The following COMMD10 variants were observed in gnomAD, a reference collection of about 807,000 sequenced individuals.
The protein encoded by COMMD10 is COMM domain-containing protein 10.
Under a neutral mutation model 28.9 loss-of-function variants are expected in COMMD10, and 33 were observed. That is an observed-to-expected ratio of 1.14 (90% confidence interval 0.87 to 1.53). The LOEUF (loss-of-function observed/expected upper bound fraction) is 1.53, where lower values mean the gene tolerates loss of function less well. Among genes scored for constraint, COMMD10 ranks in the 40% most tolerant of loss-of-function variants. The pLI is 0.00. For missense variants in COMMD10, 310 were observed against 233.4 expected, an observed-to-expected ratio of 1.33 and a Z score of -2.14; for synonymous variants, 110 against 81.7, an observed-to-expected ratio of 1.35 and a Z score of -1.87.
At chr5:116,162,035 G>A (rs796648555) in intron 5 of COMMD10, among the ~76,000 whole-genome samples, 11 of 151,860 alleles carry the variant, frequency 7.2e-5, no homozygotes, top group African/African-American at 9.7e-5. Flanking sequence ...GGTTATTTTC[G>A]CCACTTTTTG....
chr5:116,117,883 A>G (rs1044948558), intron 4 of COMMD10, among the ~76,000 whole-genome samples: 1 of 152,200 alleles, frequency 6.6e-6, no homozygotes, highest in African/African-American at 2.4e-5. Context: ...CCCAACCATT[A>G]CTAGACTAAG....
intron 4 of COMMD10, among the ~76,000 whole-genome samples, chr5:116,102,223 AT>A (rs1026157617): frequency 6.6e-6 from 1 of 152,020 alleles, no homozygotes; most frequent in African/African-American, 2.4e-5. Flanking sequence ...TCATCTTGAG[AT>A]TTTTTTTATA....
At chr5:116,233,912 CAA>C (rs1161783520) in intron 5 of COMMD10, among the ~76,000 whole-genome samples, 4 of 152,058 alleles carry the variant, frequency 2.6e-5, no homozygotes, top group Non-Finnish European at 5.9e-5. Flanking sequence ...AATCAAACCT[CAA>C]AATGTTGAGA....
At chr5:116,287,422 C>T (rs534136292) in intron 5 of COMMD10, among the ~76,000 whole-genome samples, 1 of 151,682 alleles carries the variant, frequency 6.6e-6, no homozygotes, top group South Asian at 2.1e-4. Context: ...ACCATTTACA[C>T]GGGATATCTT....
intron 5 of COMMD10, among the ~76,000 whole-genome samples, chr5:116,233,077 G>A (rs935616981): frequency 1.3e-5 from 2 of 152,072 alleles, no homozygotes; most frequent in African/African-American, 4.8e-5. Context: ...TTACGATTGG[G>A]CCAGGCACTA....
intron 4 of COMMD10, among the ~76,000 whole-genome samples, chr5:116,113,190 G>C (rs1308367131): frequency 6.6e-6 from 1 of 151,968 alleles, no homozygotes; most frequent in African/African-American, 2.4e-5. Flanking sequence ...TCTGCTGTTA[G>C]TTTGATGGAC....
At chr5:116,241,583 C>CTTATGTATTTATTTATTTATTTATTTAT (rs150574868) in intron 5 of COMMD10, among the ~76,000 whole-genome samples, 1 of 140,448 alleles carries the variant, frequency 7.1e-6, no homozygotes, top group African/African-American at 2.6e-5. Context: ...ACTCTGCTTT[C>CTTATGTATTTATTTATTTATTTATTTAT]TTATTTATTT....
intron 5 of COMMD10, among the ~76,000 whole-genome samples, chr5:116,246,730 C>G (rs897044063): frequency 2.6e-5 from 4 of 152,064 alleles, no homozygotes; most frequent in Non-Finnish European, 5.9e-5. Context: ...CAAAAGCAAG[C>G]AATGGGGAAA....
chr5:116,160,967 T>A (rs1222069691), intron 5 of COMMD10, among the ~76,000 whole-genome samples: 1 of 152,126 alleles, frequency 6.6e-6, no homozygotes, highest in African/African-American at 2.4e-5. Context: ...ATTTCAGGTA[T>A]TTTTTTCATG....
chr5:116,134,780 T>C (rs1468904953), intron 5 of COMMD10, among the ~76,000 whole-genome samples: 1 of 151,962 alleles, frequency 6.6e-6, no homozygotes, highest in Non-Finnish European at 1.5e-5. Context: ...TGCCACCTTG[T>C]CCGGCTAATT....
At chr5:116,256,244 C>G (rs4392665) in intron 5 of COMMD10, among the ~76,000 whole-genome samples, 7,200 of 151,660 alleles carry the variant, frequency 0.047, 292 homozygotes, top group African/African-American at 0.09. Context: ...AATCACCGTT[C>G]GGACAGATCT....
intron 5 of COMMD10, among the ~76,000 whole-genome samples, chr5:116,161,047 G>C (rs1480464561): frequency 6.6e-6 from 1 of 151,890 alleles, no homozygotes; most frequent in Non-Finnish European, 1.5e-5. Context: ...CTCATTTCTT[G>C]GGAAATAAAA....
At chr5:116,127,093 A>G (rs989497935) in intron 4 of COMMD10, among the ~76,000 whole-genome samples, 2 of 152,112 alleles carry the variant, frequency 1.3e-5, no homozygotes, top group Admixed American at 6.6e-5. Flanking sequence ...AAATCAAACA[A>G]CCCCATCAAA....
At chr5:116,262,381 T>A (rs915745027) in intron 5 of COMMD10, among the ~76,000 whole-genome samples, 2 of 151,760 alleles carry the variant, frequency 1.3e-5, no homozygotes, top group African/African-American at 4.9e-5. Context: ...GAGCAGTCAT[T>A]AATGGCTCAA....
intron 2 of COMMD10, among the ~76,000 whole-genome samples, chr5:116,090,198 G>C (rs1005502035): frequency 2.0e-5 from 3 of 152,198 alleles, no homozygotes; most frequent in Non-Finnish European, 4.4e-5. Context: ...ATGGATCTGG[G>C]AGTCCTCTTT....
chr5:116,166,555 C>T (rs72804855), intron 5 of COMMD10, among the ~76,000 whole-genome samples: 3,971 of 152,298 alleles, frequency 0.026, 97 homozygotes, highest in East Asian at 0.093. Flanking sequence ...GGGGTGACAC[C>T]TCCCAGCAGG....
chr5:116,286,035 C>G (rs1751210538), intron 5 of COMMD10, among the ~76,000 whole-genome samples: 2 of 151,770 alleles, frequency 1.3e-5, no homozygotes, highest in South Asian at 4.1e-4. Context: ...GATTCAATCT[C>G]TGTATTCATT....
intron 5 of COMMD10, among the ~76,000 whole-genome samples, chr5:116,149,220 A>G (rs1435808718): frequency 1.4e-5 from 2 of 146,700 alleles, no homozygotes; most frequent in African/African-American, 5.3e-5. Context: ...ATTCCATGGT[A>G]TATATGTGAC....
chr5:116,124,538 A>G (rs893760608), intron 4 of COMMD10, among the ~76,000 whole-genome samples: 7 of 152,120 alleles, frequency 4.6e-5, no homozygotes, highest in African/African-American at 7.2e-5. Context: ...AGAAGAATGT[A>G]TATTCTGTTG....
Sources: gnomAD v4.1 joint callset for allele counts (sites outside exome capture counted in the v4.1 genomes callset) on GRCh38, gnomAD v4.1.1 for gene constraint, MANE v1.5 for transcripts, NCBI Gene and HGNC (gene_info 2026-07-23, HGNC 2026-07-21) for gene names.